The following TMPRSS9 variants were observed in gnomAD, a reference collection of about 807,000 sequenced individuals.
The protein encoded by TMPRSS9 is transmembrane serine protease 9.
Under a neutral mutation model 111.4 loss-of-function variants are expected in TMPRSS9, and 113 were observed. The observed-to-expected ratio is 1.01, with a 90% CI of 0.87 to 1.19. TMPRSS9 has a LOEUF of 1.19. Ranked by LOEUF, TMPRSS9 falls within the 50% of genes most tolerant of loss-of-function variation. The pLI, the probability that TMPRSS9 is intolerant of heterozygous loss-of-function variation, is 0.00. For missense variants in TMPRSS9, 1,803 were observed against 1,513.1 expected (o/e 1.19, Z -3.18); for synonymous variants, 805 against 659.1 (o/e 1.22, Z -3.39).
intron 14 of TMPRSS9, among the ~76,000 whole-genome samples, chr19:2,423,188 TCA>T (rs1260979434): frequency 6.6e-6 from 1 of 151,980 alleles, no homozygotes; most frequent in Non-Finnish European, 1.5e-5. Context: ...CTGGGGGCTC[TCA>T]CTTTCTCAGT....
At chr19:2,421,998 G>A in exon 14 of TMPRSS9, 1 of 1,613,138 alleles carries the variant, frequency 6.2e-7, no homozygotes, top group South Asian at 1.1e-5. Flanking sequence ...CTGGATCCTG[G>A]AGATCATGTC....
chr19:2,381,632 A>T (rs1474671653), intron 1 of TMPRSS9, among the ~76,000 whole-genome samples: 1 of 140,932 alleles, frequency 7.1e-6, no homozygotes, highest in Admixed American at 7.2e-5. Flanking sequence ...CCCCTGCCTC[A>T]CTCCCCGCCA....
chr19:2,402,714 G>A (rs1378653893), intron 5 of TMPRSS9, among the ~76,000 whole-genome samples: 2 of 152,026 alleles, frequency 1.3e-5, no homozygotes, highest in East Asian at 3.9e-4. Flanking sequence ...CTCCAGGCTG[G>A]GCAACAAGAG....
At chr19:2,405,097 C>T (rs923719073) in intron 6 of TMPRSS9, among the ~76,000 whole-genome samples, 12 of 151,954 alleles carry the variant, frequency 7.9e-5, no homozygotes, top group Admixed American at 5.3e-4. Context: ...GTGGGGTCAT[C>T]GCCCCTTACC....
At chr19:2,367,683 C>T (rs1331477231) in intron 1 of TMPRSS9, among the ~76,000 whole-genome samples, 6 of 152,106 alleles carry the variant, frequency 3.9e-5, no homozygotes, top group Non-Finnish European at 7.3e-5. Context: ...CCTGCCTCAG[C>T]CTCCCAAGTA....
At chr19:2,383,740 G>T (rs1970416375) in intron 1 of TMPRSS9, among the ~76,000 whole-genome samples, 1 of 148,468 alleles carries the variant, frequency 6.7e-6, no homozygotes, top group Non-Finnish European at 1.5e-5. Flanking sequence ...GGAGGTCGAG[G>T]CTGCAGTGAG....
chr19:2,370,564 A>G (rs554257343), intron 1 of TMPRSS9, among the ~76,000 whole-genome samples: 1 of 152,192 alleles, frequency 6.6e-6, no homozygotes, highest in Non-Finnish European at 1.5e-5. Context: ...CCTGGCCTCA[A>G]GTGATCCTCC....
chr19:2,416,660 T>G (rs1197865374), exon 12 of TMPRSS9: 1 of 1,613,114 alleles, frequency 6.2e-7, no homozygotes, highest in Non-Finnish European at 8.5e-7. Flanking sequence ...CCTGGCATCC[T>G]GGACTTCGAC....
At chr19:2,387,163 C>T (rs908117778), upstream of TMPRSS9, among the ~76,000 whole-genome samples, 3 of 152,010 alleles carry the variant, frequency 2.0e-5, no homozygotes, top group Non-Finnish European at 4.4e-5. Context: ...TCAAAACCAG[C>T]CTGGGCAACA....
exon 12 of TMPRSS9, chr19:2,416,653 G>A: frequency 6.2e-7 from 1 of 1,613,044 alleles, no homozygotes; most frequent in South Asian, 1.1e-5. Context: ...CTACAACCCT[G>A]GCATCCTGGA....
intron 10 of TMPRSS9, chr19:2,414,243 C>T: frequency 1.1e-5 from 4 of 375,650 alleles, no homozygotes; most frequent in East Asian, 4.2e-5. Context: ...CAATGGGATA[C>T]TTTTTTTTTT....
chr19:2,393,647 C>T (rs1970646239), intron 1 of TMPRSS9, among the ~76,000 whole-genome samples: 1 of 152,126 alleles, frequency 6.6e-6, no homozygotes, highest in Non-Finnish European at 1.5e-5. Context: ...CCCCGGTAAT[C>T]CCAGCACTTT....
At chr19:2,416,571 C>T (rs1183007527) in exon 12 of TMPRSS9, 7 of 1,611,274 alleles carry the variant, frequency 4.3e-6, no homozygotes, top group Non-Finnish European at 5.9e-6. Flanking sequence ...CCCACCTGGG[C>T]ACTGCGTCCC....
chr19:2,393,148 G>C (rs1230410278), intron 1 of TMPRSS9, among the ~76,000 whole-genome samples: 1 of 152,190 alleles, frequency 6.6e-6, no homozygotes, highest in South Asian at 2.1e-4. Flanking sequence ...GGAGCCAGCA[G>C]CGGCAACCGG....
At chr19:2,395,451 C>A (rs146576774) in intron 1 of TMPRSS9, among the ~76,000 whole-genome samples, 1 of 151,474 alleles carries the variant, frequency 6.6e-6, no homozygotes, top group African/African-American at 2.4e-5. Context: ...CAAGGCCGGG[C>A]GCGGTGGCTC....
exon 9 of TMPRSS9, chr19:2,410,312 T>C (rs375614986): frequency 2.5e-6 from 4 of 1,614,078 alleles, no homozygotes; most frequent in Non-Finnish European, 3.4e-6. Context: ...GACCAGGCAC[T>C]GTGTGCCAGC....
chr19:2,389,202 T>G (rs1426922553), upstream of TMPRSS9, among the ~76,000 whole-genome samples: 1 of 146,880 alleles, frequency 6.8e-6, no homozygotes, highest in Non-Finnish European at 1.5e-5. Flanking sequence ...GCCTCCCGAG[T>G]AGCTGGGATT....
exon 7 of TMPRSS9, chr19:2,405,423 C>A (rs774229558): frequency 2.5e-6 from 4 of 1,607,270 alleles, no homozygotes; most frequent in African/African-American, 2.7e-5. Context: ...TCGTGGGCGG[C>A]ATGGAAGCAT....
At chr19:2,419,759 C>T (rs578205090) in intron 13 of TMPRSS9, among the ~76,000 whole-genome samples, 185 of 152,150 alleles carry the variant, frequency 1.2e-3, no homozygotes, top group Non-Finnish European at 2.0e-3. Context: ...TCAGGTGATC[C>T]GCCCGCCTCA....
Sources: gnomAD v4.1 joint callset for allele counts (sites outside exome capture counted in the v4.1 genomes callset) on GRCh38, gnomAD v4.1.1 for gene constraint, MANE v1.5 for transcripts, NCBI Gene and HGNC (gene_info 2026-07-23, HGNC 2026-07-21) for gene names.